The following DGKI variants were observed in gnomAD, a reference collection of about 807,000 sequenced individuals.
DGKI encodes diacylglycerol kinase iota, also known as DAG kinase iota.
In DGKI, 55 loss-of-function variants were observed where a neutral mutation model predicts 147.5. The observed-to-expected ratio is 0.37, with a 90% CI of 0.30 to 0.47. The LOEUF (loss-of-function observed/expected upper bound fraction) is 0.47, where lower values mean the gene tolerates loss of function less well. Among genes scored for constraint, DGKI ranks in the 20% least tolerant of loss-of-function variants. The pLI, the probability that DGKI is intolerant of heterozygous loss-of-function variation, is 1.00. For missense variants in DGKI, 1,007 were observed against 1,323.8 expected, an observed-to-expected ratio of 0.76 and a Z score of 3.71; for synonymous variants, 469 against 477.1, an observed-to-expected ratio of 0.98 and a Z score of 0.22.
intron 28 of DGKI, among the ~76,000 whole-genome samples, chr7:137,421,955 T>C (rs887258256): frequency 5.3e-5 from 8 of 152,180 alleles, no homozygotes; most frequent in Admixed American, 2.6e-4. Flanking sequence ...GCAATCAATT[T>C]TGGAGACACA....
chr7:137,420,502 C>T (rs1812524142), intron 28 of DGKI, among the ~76,000 whole-genome samples: 1 of 152,040 alleles, frequency 6.6e-6, no homozygotes. Context: ...AGTCTTTTTA[C>T]CTATGTCACT....
At chr7:137,622,025 G>C (rs925423571) in intron 7 of DGKI, among the ~76,000 whole-genome samples, 3 of 152,168 alleles carry the variant, frequency 2.0e-5, no homozygotes, top group African/African-American at 7.2e-5. Flanking sequence ...CCTTATATTT[G>C]TGCACACATT....
At chr7:137,820,476 CGCAGCTGGTGGGA>C (rs1797864831) in intron 1 of DGKI, among the ~76,000 whole-genome samples, 1 of 152,182 alleles carries the variant, frequency 6.6e-6, no homozygotes, top group Non-Finnish European at 1.5e-5. Flanking sequence ...AGCAGAGAAG[CGCAGCTGGTGGGA>C]GCACTCAGGT....
At chr7:137,829,455 T>A (rs1204491044) in intron 1 of DGKI, among the ~76,000 whole-genome samples, 1 of 152,210 alleles carries the variant, frequency 6.6e-6, no homozygotes, top group African/African-American at 2.4e-5. Context: ...TAAATTAGTA[T>A]CTTGACCCTA....
intron 5 of DGKI, among the ~76,000 whole-genome samples, chr7:137,647,888 A>C (rs1329259794): frequency 9.2e-5 from 14 of 152,334 alleles, no homozygotes; most frequent in African/African-American, 3.4e-4. Flanking sequence ...TTGAATGGTC[A>C]ACATCATTCT....
At chr7:137,671,360 G>A (rs1822837983) in intron 3 of DGKI, among the ~76,000 whole-genome samples, 1 of 152,186 alleles carries the variant, frequency 6.6e-6, no homozygotes, top group African/African-American at 2.4e-5. Flanking sequence ...CCGCAGTCAT[G>A]ACTTGGTAAG....
In DGKI at chr7:137,662,404, C is replaced by T. The variant is rs376512723; in HGVS notation, c.607-5864G>A. ...GACTACAGGTGCCCGCCACCACGCCCGGCTAATTTTTTGTATTTTTAGTAG... is the reference window on the plus strand; with the variant it reads ...GACTACAGGTGCCCGCCACCACGCCTGGCTAATTTTTTGTATTTTTAGTAG... On this transcript the variant is annotated intron_variant, in intron 3 of 32. Transcript: ENST00000614521. Among the ~76,000 whole-genome samples the T allele has an allele frequency of 2.5e-4, 38 of 152,156 alleles. 1 individual carries two copies. In the South Asian group the frequency reaches 6.0e-3, roughly 24 times the overall value.
chr7:137,486,163 G>A (rs1222012464), intron 22 of DGKI, among the ~76,000 whole-genome samples: 1 of 152,006 alleles, frequency 6.6e-6, no homozygotes, highest in African/African-American at 2.4e-5. Context: ...CTTTCCATTA[G>A]TTTTAAAAAT....
At chr7:137,428,174 C>A (rs980024384) in intron 28 of DGKI, among the ~76,000 whole-genome samples, 1 of 146,542 alleles carries the variant, frequency 6.8e-6, no homozygotes, top group Non-Finnish European at 1.5e-5. Context: ...CAAAACGAAT[C>A]CAGCAGCACA....
intron 1 of DGKI, among the ~76,000 whole-genome samples, chr7:137,718,176 C>T (rs770072525): frequency 1.3e-5 from 2 of 152,148 alleles, no homozygotes; most frequent in Non-Finnish European, 2.9e-5. Context: ...AGCAACGGGG[C>T]ATCCACTTTG....
chr7:137,490,075 T>C (rs1160832202), intron 21 of DGKI, among the ~76,000 whole-genome samples: 2 of 152,196 alleles, frequency 1.3e-5, no homozygotes, highest in Admixed American at 6.5e-5. Flanking sequence ...CTGCTTTTGA[T>C]TGAGCAATAC....
chr7:137,789,449 CTAATA>C (rs1274973456), intron 1 of DGKI, among the ~76,000 whole-genome samples: 3 of 152,074 alleles, frequency 2.0e-5, no homozygotes, highest in East Asian at 1.9e-4. Context: ...AGCCCTTCCC[CTAATA>C]TAAGATAAGA....
intron 12 of DGKI, among the ~76,000 whole-genome samples, chr7:137,596,001 C>CAAAAAAAAAAAAAAAAAAAAAAA (rs71177914): frequency 9.0e-5 from 4 of 44,362 alleles, no homozygotes; most frequent in Admixed American, 4.4e-4. Flanking sequence ...GACTCCGTCT[C>CAAAAAAAAAAAAAAAAAAAAAAA]AAAAAAAAAA....
At chr7:137,773,383 A>G (rs1227720243) in intron 1 of DGKI, among the ~76,000 whole-genome samples, 1 of 152,194 alleles carries the variant, frequency 6.6e-6, no homozygotes, top group Non-Finnish European at 1.5e-5. Context: ...TTGGCCAGAG[A>G]AACACATTAC....
intron 1 of DGKI, among the ~76,000 whole-genome samples, chr7:137,825,531 G>A (rs1798028923): frequency 6.6e-6 from 1 of 152,078 alleles, no homozygotes; most frequent in Non-Finnish European, 1.5e-5. Context: ...AGGACATTGG[G>A]GCTCAGAGAA....
intron 10 of DGKI, among the ~76,000 whole-genome samples, chr7:137,603,490 A>G (rs1379043721): frequency 6.6e-6 from 1 of 152,226 alleles, no homozygotes; most frequent in East Asian, 1.9e-4. Flanking sequence ...AGAATGCCTC[A>G]TTTATTTGAT....
intron 3 of DGKI, among the ~76,000 whole-genome samples, chr7:137,671,863 A>T (rs1023552193): frequency 4.6e-5 from 7 of 152,248 alleles, no homozygotes; most frequent in Non-Finnish European, 1.0e-4. Flanking sequence ...AACATTATCT[A>T]CGAGGAAAAG....
chr7:137,772,473 C>CA (rs147793292), intron 1 of DGKI, among the ~76,000 whole-genome samples: 1 of 151,670 alleles, frequency 6.6e-6, no homozygotes, highest in African/African-American at 2.4e-5. Context: ...AGGGAGGTAT[C>CA]AAAAAAACAT....
intron 6 of DGKI, among the ~76,000 whole-genome samples, chr7:137,642,898 T>A (rs1362861363): frequency 1.5e-4 from 23 of 150,996 alleles, no homozygotes. Context: ...CAATTATTCT[T>A]CACTCCATCC....
Sources: allele counts gnomAD v4.1 joint callset (sites outside exome capture counted in the v4.1 genomes callset), GRCh38; gene constraint gnomAD v4.1.1; transcripts MANE v1.5; gene names NCBI Gene and HGNC (gene_info 2026-07-23, HGNC 2026-07-21).